Variants in SKA2 observed in about 807,000 individuals in gnomAD.
SKA2 encodes the protein spindle and kinetochore associated complex subunit 2.
SKA2 carries 13 observed loss-of-function variants against 16.9 expected under a neutral mutation model. That is an observed-to-expected ratio of 0.77 (90% CI 0.50 to 1.22). The LOEUF is 1.22. Among genes scored for constraint, SKA2 ranks in the 50% most tolerant of loss-of-function variants. The pLI, the probability that SKA2 is intolerant of heterozygous loss-of-function variation, is 0.00. For synonymous variants in SKA2, 47 were observed against 48.5 expected (o/e 0.97, Z 0.13); for missense variants, 107 against 139.7 (o/e 0.77, Z 1.18).
intron 1 of SKA2, among the ~76,000 whole-genome samples, chr17:59,139,127 G>A (rs1183276765): frequency 6.6e-6 from 1 of 152,144 alleles, no homozygotes; most frequent in Non-Finnish European, 1.5e-5. Flanking sequence ...GCTGGGCGCA[G>A]TGGCTCACGC....
intron 2 of SKA2, among the ~76,000 whole-genome samples, chr17:59,124,025 T>C (rs528168307): frequency 2.6e-5 from 4 of 152,156 alleles, no homozygotes; most frequent in Non-Finnish European, 5.9e-5. Flanking sequence ...GGAAATACCA[T>C]AAGACACTGA....
At chr17:59,150,008 C>A (rs1370057500) in intron 1 of SKA2, among the ~76,000 whole-genome samples, 3 of 152,192 alleles carry the variant, frequency 2.0e-5, no homozygotes, top group African/African-American at 7.2e-5. Context: ...GGTGCACCAC[C>A]ATGCCTGGCC....
chr17:59,120,969 G>A (rs1463623236), intron 2 of SKA2, among the ~76,000 whole-genome samples: 1 of 151,664 alleles, frequency 6.6e-6, no homozygotes, highest in Admixed American at 6.6e-5. Flanking sequence ...TGGCTAACAC[G>A]GTGAAACCCC....
intron 3 of SKA2, among the ~76,000 whole-genome samples, chr17:59,112,952 C>T (rs913192825): frequency 2.6e-5 from 4 of 152,072 alleles, no homozygotes; most frequent in Admixed American, 1.3e-4. Flanking sequence ...GTCACTCTGT[C>T]GCCCAGGCTG....
At chr17:59,150,092 AT>A (rs2046565993) in intron 1 of SKA2, among the ~76,000 whole-genome samples, 1 of 152,170 alleles carries the variant, frequency 6.6e-6, no homozygotes, top group Non-Finnish European at 1.5e-5. Flanking sequence ...GACTGTATAC[AT>A]TTGTCAAAAC....
chr17:59,115,698 A>G (rs1210646287), intron 3 of SKA2, among the ~76,000 whole-genome samples: 4 of 152,128 alleles, frequency 2.6e-5, no homozygotes, highest in South Asian at 2.1e-4. Flanking sequence ...GGCTCGAGCA[A>G]TCGTCCCACC....
chr17:59,129,712 G>A (rs986034970), intron 2 of SKA2, among the ~76,000 whole-genome samples: 6 of 151,670 alleles, frequency 4.0e-5, no homozygotes, highest in Non-Finnish European at 7.4e-5. Flanking sequence ...AAAATTAGCC[G>A]AGCATGGTAG....
At chr17:59,132,551 C>T (rs983498150) in intron 1 of SKA2, among the ~76,000 whole-genome samples, 1 of 152,116 alleles carries the variant, frequency 6.6e-6, no homozygotes, top group Non-Finnish European at 1.5e-5. Flanking sequence ...GTGGTCCCAG[C>T]TATTTGGGTA....
chr17:59,129,537 G>A (rs1599666883), intron 2 of SKA2: 1 of 151,520 alleles, frequency 6.6e-6, no homozygotes, highest in East Asian at 2.0e-4. Flanking sequence ...ATGAAGGAAT[G>A]GAAGGGAAGT....
chr17:59,142,642 C>T (rs2046499862), intron 1 of SKA2, among the ~76,000 whole-genome samples: 1 of 150,884 alleles, frequency 6.6e-6, no homozygotes, highest in African/African-American at 2.4e-5. Flanking sequence ...AAAAGAGAGA[C>T]AGGGCTGGGT....
chr17:59,114,277 T>G (rs2046282642), intron 3 of SKA2, among the ~76,000 whole-genome samples: 1 of 152,108 alleles, frequency 6.6e-6, no homozygotes, highest in Admixed American at 6.6e-5. Flanking sequence ...AACACACATC[T>G]CAAGAAAGTC....
chr17:59,125,809 G>C (rs2046368425), intron 2 of SKA2, among the ~76,000 whole-genome samples: 1 of 151,952 alleles, frequency 6.6e-6, no homozygotes, highest in South Asian at 2.1e-4. Flanking sequence ...TCTTTTGAAA[G>C]AAACAAAAGG....
intron 2 of SKA2, among the ~76,000 whole-genome samples, chr17:59,122,379 GA>G (rs2046341079): frequency 6.6e-6 from 1 of 152,146 alleles, no homozygotes; most frequent in African/African-American, 2.4e-5. Context: ...GGGAGACCAA[GA>G]GGGGCAGATC....
intron 2 of SKA2, among the ~76,000 whole-genome samples, chr17:59,130,076 A>G (rs2046401874): frequency 6.6e-6 from 1 of 151,990 alleles, no homozygotes; most frequent in Non-Finnish European, 1.5e-5. Flanking sequence ...GGAAGAAAAA[A>G]GAGAAAGGAA....
chr17:59,113,539 AG>A (rs1274747239), intron 3 of SKA2, among the ~76,000 whole-genome samples: 1 of 149,420 alleles, frequency 6.7e-6, no homozygotes, highest in Non-Finnish European at 1.5e-5. Flanking sequence ...AAAAAAAGAA[AG>A]AGGCCGGGCA....
chr17:59,112,749 A>G (rs1373670873), intron 3 of SKA2, among the ~76,000 whole-genome samples: 2 of 152,292 alleles, frequency 1.3e-5, no homozygotes, highest in East Asian at 3.9e-4. Flanking sequence ...TAGAAACTAT[A>G]CATATCCTCC....
chr17:59,135,223 G>A lies in SKA2; in HGVS notation c.34-3856C>T, dbSNP rs115466596. Among the ~76,000 whole-genome samples the A allele has an allele frequency of 6.7e-3, 1,010 of 151,714 alleles. 6 individuals are homozygous for A. Among genetic ancestry groups the A allele is most frequent in the African/African-American group, 0.023 (943 of 41,352 alleles). ...CCATCAAATGGTACCAAAAAGAGGC[G>A]GTTTCTACTTTTAAATAACTTTTAT... On this transcript the variant is annotated intron_variant, in intron 1 of 3. Transcript: ENST00000330137.
intron 1 of SKA2, among the ~76,000 whole-genome samples, chr17:59,131,611 G>C (rs1346541828): frequency 1.3e-5 from 2 of 151,956 alleles, no homozygotes; most frequent in African/African-American, 2.4e-5. Context: ...CTTACATTTT[G>C]AGCCAAAATC....
intron 1 of SKA2, among the ~76,000 whole-genome samples, chr17:59,148,954 G>A (rs187409910): frequency 2.4e-4 from 37 of 152,082 alleles, no homozygotes; most frequent in African/African-American, 8.4e-4. Flanking sequence ...ACTACAATGG[G>A]GCACCACCAC....
Sources: allele counts gnomAD v4.1 joint callset (sites outside exome capture counted in the v4.1 genomes callset), GRCh38; gene constraint gnomAD v4.1.1; transcripts MANE v1.5; gene names NCBI Gene and HGNC (gene_info 2026-07-23, HGNC 2026-07-21).